The following ZNF804B variants were observed in gnomAD, a reference collection of about 807,000 sequenced individuals.
ZNF804B encodes the protein zinc finger protein 804B.
Under a neutral mutation model 101.4 loss-of-function variants are expected in ZNF804B, and 80 were observed. The observed-to-expected ratio is 0.79, with a 90% confidence interval of 0.66 to 0.95. ZNF804B has a LOEUF of 0.95. Among genes scored for constraint, ZNF804B ranks in the 40% least tolerant of loss-of-function variants. ZNF804B has a pLI of 0.00. For synonymous variants in ZNF804B, 622 were observed against 558.8 expected (o/e 1.11, Z -1.59); for missense variants, 1,673 against 1,561.9 (o/e 1.07, Z -1.20).
intron 1 of ZNF804B, among the ~76,000 whole-genome samples, chr7:89,065,949 T>C (rs923095741): frequency 5.9e-5 from 9 of 152,154 alleles, no homozygotes; most frequent in African/African-American, 2.2e-4. Flanking sequence ...CTGTTGTAGA[T>C]AGTGACTTGT....
At chr7:89,069,560 A>G (rs1398210333) in intron 1 of ZNF804B, among the ~76,000 whole-genome samples, 2 of 152,146 alleles carry the variant, frequency 1.3e-5, no homozygotes, top group Non-Finnish European at 2.9e-5. Flanking sequence ...TGTACTTTTC[A>G]AAGTATGATA....
intron 1 of ZNF804B, among the ~76,000 whole-genome samples, chr7:88,809,673 A>G (rs551137977): frequency 2.2e-4 from 34 of 152,344 alleles, no homozygotes; most frequent in South Asian, 2.1e-3. Flanking sequence ...GAATTTTTTT[A>G]TGCATAACAG....
At chr7:88,811,388 C>T (rs965978117) in intron 1 of ZNF804B, among the ~76,000 whole-genome samples, 4 of 152,196 alleles carry the variant, frequency 2.6e-5, no homozygotes, top group Admixed American at 2.6e-4. Flanking sequence ...CACTTTTACA[C>T]TGTTGGCGGG....
chr7:88,922,477 GA>G (rs1330934029), intron 1 of ZNF804B, among the ~76,000 whole-genome samples: 2 of 151,854 alleles, frequency 1.3e-5, no homozygotes, highest in African/African-American at 4.8e-5. Context: ...TTACTTTAAT[GA>G]AAGTTGTCTC....
intron 1 of ZNF804B, among the ~76,000 whole-genome samples, chr7:89,021,126 T>C (rs1788659727): frequency 6.6e-6 from 1 of 152,236 alleles, no homozygotes; most frequent in South Asian, 2.1e-4. Flanking sequence ...GAAAGACTTA[T>C]TTCTATAGAT....
At chr7:88,768,210 G>C (rs1174793446) in intron 1 of ZNF804B, among the ~76,000 whole-genome samples, 1 of 152,080 alleles carries the variant, frequency 6.6e-6, no homozygotes, top group African/African-American at 2.4e-5. Context: ...AGGAATATTG[G>C]AAATTTCCAC....
intron 1 of ZNF804B, among the ~76,000 whole-genome samples, chr7:89,059,796 A>ATTAT (rs1789349671): frequency 6.6e-6 from 1 of 152,086 alleles, no homozygotes; most frequent in Non-Finnish European, 1.5e-5. Flanking sequence ...CTGGTAAAGC[A>ATTAT]TTATTTTGGG....
chr7:89,276,161 G>T (rs1465690563), intron 2 of ZNF804B, among the ~76,000 whole-genome samples: 1 of 151,744 alleles, frequency 6.6e-6, no homozygotes, highest in Non-Finnish European at 1.5e-5. Context: ...ACACACTGTG[G>T]CCTGTGGCAA....
chr7:89,310,581 G>A (rs566354859), intron 2 of ZNF804B, among the ~76,000 whole-genome samples: 36 of 152,246 alleles, frequency 2.4e-4, no homozygotes, highest in African/African-American at 8.7e-4. Flanking sequence ...GTGCTAAGGT[G>A]CTCTTACTTT....
At chr7:88,848,747 T>A (rs1791411144) in intron 1 of ZNF804B, among the ~76,000 whole-genome samples, 1 of 151,054 alleles carries the variant, frequency 6.6e-6, no homozygotes, top group Non-Finnish European at 1.5e-5. Flanking sequence ...ACAAGAAAGA[T>A]CAAGAATTAT....
chr7:89,310,169 C>T (rs1246330490), intron 2 of ZNF804B, among the ~76,000 whole-genome samples: 1 of 151,770 alleles, frequency 6.6e-6, no homozygotes, highest in Non-Finnish European at 1.5e-5. Flanking sequence ...TGACATTTCT[C>T]AGGCATATTG....
At chr7:89,176,428 G>A (rs534061936) in intron 1 of ZNF804B, among the ~76,000 whole-genome samples, 3 of 151,918 alleles carry the variant, frequency 2.0e-5, no homozygotes, top group East Asian at 1.9e-4. Flanking sequence ...CCATCTTTGC[G>A]TGATTGGAAT....
chr7:89,177,592 G>T (rs1039202170), intron 1 of ZNF804B, among the ~76,000 whole-genome samples: 4 of 152,198 alleles, frequency 2.6e-5, no homozygotes, highest in Admixed American at 6.5e-5. Flanking sequence ...GCCATTGAAT[G>T]ACATGTTATA....
chr7:89,183,388 T>C (rs1230769043), intron 1 of ZNF804B, among the ~76,000 whole-genome samples: 2 of 150,536 alleles, frequency 1.3e-5, no homozygotes, highest in East Asian at 3.9e-4. Context: ...AACTAGAGAG[T>C]AAAAAAAAAG....
At chr7:89,197,606 A>C (rs1788575249) in intron 1 of ZNF804B, among the ~76,000 whole-genome samples, 1 of 151,892 alleles carries the variant, frequency 6.6e-6, no homozygotes, top group African/African-American at 2.4e-5. Flanking sequence ...TAAAAAGAGA[A>C]GCACTTTTGA....
chr7:89,111,687 T>C (rs768929318), intron 1 of ZNF804B, among the ~76,000 whole-genome samples: 1 of 152,226 alleles, frequency 6.6e-6, no homozygotes, highest in Non-Finnish European at 1.5e-5. Context: ...TTTAAGTTTC[T>C]TTCTCAGAGT....
Position 88,810,932 on chromosome 7 carries a change from A to G in ZNF804B, c.108+50848A>G, listed in dbSNP as rs972262252. Among the ~76,000 whole-genome samples, 8 of 152,194 alleles carry G rather than the reference A, an allele frequency of 5.3e-5. 1 individual carries two copies. The highest frequency in any genetic ancestry group is 5.2e-4 in the Admixed American group (8 of 15,282). On this transcript the variant is annotated intron_variant, in intron 1 of 3. Transcript: ENST00000333190. ...ATTATGTATTTTGTAAGAGTTTGAC[A>G]AATATTTTCAAGTTATCCTACAGAA...
chr7:89,331,084 A>G (rs1206860493), intron 3 of ZNF804B, among the ~76,000 whole-genome samples: 27 of 151,694 alleles, frequency 1.8e-4, no homozygotes. Context: ...AATAGTATCC[A>G]TACACTAGAC....
chr7:89,144,853 G>T (rs1003796794), intron 1 of ZNF804B, among the ~76,000 whole-genome samples: 1 of 151,844 alleles, frequency 6.6e-6, no homozygotes, highest in Non-Finnish European at 1.5e-5. Flanking sequence ...TAGGCTGGGT[G>T]CCTATAATCC....
Sources: allele counts gnomAD v4.1 joint callset (sites outside exome capture counted in the v4.1 genomes callset), GRCh38; gene constraint gnomAD v4.1.1; transcripts MANE v1.5; gene names NCBI Gene and HGNC (gene_info 2026-07-23, HGNC 2026-07-21).